Variants in GRID2 observed in about 807,000 individuals in gnomAD.
GRID2 encodes glutamate receptor ionotropic, delta-2.
Under a neutral mutation model 114.8 loss-of-function variants are expected in GRID2, and 33 were observed. The observed-to-expected ratio is 0.29, with a 90% CI of 0.22 to 0.38. GRID2 has a LOEUF of 0.38. Ranked by LOEUF, GRID2 falls within the 10% of genes least tolerant of loss-of-function variation. GRID2 has a pLI of 1.00. For missense variants in GRID2, 1,184 were observed against 1,257.7 expected (o/e 0.94, Z 0.89); for synonymous variants, 505 against 449.9 (o/e 1.12, Z -1.55).
At chr4:92,663,887 T>C (rs1280702843) in intron 2 of GRID2, among the ~76,000 whole-genome samples, 1 of 151,240 alleles carries the variant, frequency 6.6e-6, no homozygotes, top group African/African-American at 2.4e-5. Context: ...AGTGGAATCA[T>C]GCATGATTTG....
At chr4:93,182,570 G>A (rs1180841161) in intron 4 of GRID2, among the ~76,000 whole-genome samples, 3 of 152,142 alleles carry the variant, frequency 2.0e-5, no homozygotes, top group Non-Finnish European at 4.4e-5. Flanking sequence ...TAAAGATAAT[G>A]CTACATTATC....
intron 2 of GRID2, among the ~76,000 whole-genome samples, chr4:93,064,632 T>C (rs1464460844): frequency 6.6e-6 from 1 of 151,830 alleles, no homozygotes; most frequent in Non-Finnish European, 1.5e-5. Flanking sequence ...CCTTGTGAAT[T>C]ACTAACTAAA....
At chr4:92,716,053 A>C (rs1560549643) in intron 2 of GRID2, among the ~76,000 whole-genome samples, 1 of 152,234 alleles carries the variant, frequency 6.6e-6, no homozygotes, top group Admixed American at 6.5e-5. Flanking sequence ...TTTATTCCCT[A>C]TTAATGTGGC....
intron 2 of GRID2, among the ~76,000 whole-genome samples, chr4:92,688,222 A>AT (rs1444373095): frequency 3.4e-5 from 5 of 148,934 alleles, no homozygotes; most frequent in Non-Finnish European, 5.9e-5. Flanking sequence ...GCTAATTTTG[A>AT]TTTTTTTAGT....
At position 92,976,242 on chromosome 4, in the gene GRID2, A is replaced by G. The variant is rs35473204; in HGVS notation, c.245-108753A>G. Among the ~76,000 whole-genome samples, 336 of 152,248 alleles carry G rather than the reference A, an allele frequency of 2.2e-3. 1 individual carries two copies. The highest frequency in any genetic ancestry group is 4.1e-3 in the Non-Finnish European group (278 of 67,964). On this transcript the variant is annotated intron_variant, in intron 2 of 15. Transcript: ENST00000282020. ...CTTGTTATAGTAATAAACAATGGACATAGATAAAATACATATGTGAAAAAA... is the reference window on the plus strand; with the variant it reads ...CTTGTTATAGTAATAAACAATGGACGTAGATAAAATACATATGTGAAAAAA...
At chr4:93,347,511 A>G (rs989792339) in intron 8 of GRID2, among the ~76,000 whole-genome samples, 1 of 152,274 alleles carries the variant, frequency 6.6e-6, no homozygotes, top group East Asian at 1.9e-4. Flanking sequence ...GAGATTTCCT[A>G]TAAGTGGTAG....
chr4:93,151,498 A>AAAC (rs1736737049), intron 4 of GRID2, among the ~76,000 whole-genome samples: 1 of 151,796 alleles, frequency 6.6e-6, no homozygotes, highest in Non-Finnish European at 1.5e-5. Flanking sequence ...CTTTATATTA[A>AAAC]AACTATGTGA....
chr4:93,112,828 T>C (rs939654904), intron 4 of GRID2, among the ~76,000 whole-genome samples: 1 of 152,186 alleles, frequency 6.6e-6, no homozygotes, highest in African/African-American at 2.4e-5. Flanking sequence ...CTTTTTCCAA[T>C]GTCTATTCAC....
chr4:93,381,823 A>G (rs1763881800), intron 8 of GRID2, among the ~76,000 whole-genome samples: 1 of 152,150 alleles, frequency 6.6e-6, no homozygotes, highest in Non-Finnish European at 1.5e-5. Flanking sequence ...AATTGTCCAT[A>G]TACTTACCTT....
intron 2 of GRID2, among the ~76,000 whole-genome samples, chr4:92,670,728 G>A (rs2149275972): frequency 6.6e-6 from 1 of 152,120 alleles, no homozygotes; most frequent in Non-Finnish European, 1.5e-5. Context: ...TATCTTAATT[G>A]TTTGACTTGC....
At chr4:92,575,287 T>C (rs148604292) in intron 1 of GRID2, among the ~76,000 whole-genome samples, 180 of 152,332 alleles carry the variant, frequency 1.2e-3, no homozygotes, top group African/African-American at 4.1e-3. Context: ...AGTTTGTTTT[T>C]ATCTGCATTT....
At chr4:93,314,303 C>CAAAAAAA (rs56977080) in intron 8 of GRID2, among the ~76,000 whole-genome samples, 6 of 54,136 alleles carry the variant, frequency 1.1e-4, no homozygotes, top group Admixed American at 2.6e-4. Flanking sequence ...GAGTCTGTCT[C>CAAAAAAA]AAAAAAAAAA....
chr4:92,918,960 A>C (rs577116413), intron 2 of GRID2, among the ~76,000 whole-genome samples: 23 of 152,136 alleles, frequency 1.5e-4, no homozygotes, highest in Non-Finnish European at 2.5e-4. Context: ...GGTAGAATTC[A>C]GCTGTGAATC....
At chr4:93,510,551 G>A (rs1434507801) in intron 12 of GRID2, among the ~76,000 whole-genome samples, 2 of 152,088 alleles carry the variant, frequency 1.3e-5, no homozygotes, top group South Asian at 2.1e-4. Context: ...TTGTATAAAT[G>A]TCCCAGAGAG....
intron 14 of GRID2, among the ~76,000 whole-genome samples, chr4:93,745,803 G>A (rs1731793094): frequency 6.6e-6 from 1 of 152,072 alleles, no homozygotes; most frequent in African/African-American, 2.4e-5. Context: ...TTTAGCTATG[G>A]CATATTTTAT....
chr4:93,430,150 C>T (rs969627530), intron 10 of GRID2, among the ~76,000 whole-genome samples: 4 of 151,888 alleles, frequency 2.6e-5, no homozygotes, highest in African/African-American at 7.2e-5. Context: ...CATATATTTA[C>T]CGGGAGGCTT....
chr4:93,088,844 G>A (rs1730545249), intron 3 of GRID2, among the ~76,000 whole-genome samples: 1 of 151,984 alleles, frequency 6.6e-6, no homozygotes, highest in Non-Finnish European at 1.5e-5. Flanking sequence ...ACATAACTAG[G>A]AAGTATCAGA....
At chr4:93,254,381 T>A (rs1749332376) in intron 8 of GRID2, among the ~76,000 whole-genome samples, 1 of 152,222 alleles carries the variant, frequency 6.6e-6, no homozygotes, top group Admixed American at 6.5e-5. Context: ...AATGAATGCA[T>A]CTAGCTGAGT....
chr4:93,357,398 T>C lies in GRID2; in HGVS notation c.1246-38209T>C, dbSNP rs149772868. On this transcript the variant is annotated intron_variant, in intron 8 of 15. Coordinates refer to ENST00000282020, the MANE Select transcript of GRID2 (RefSeq NM_001510.4). ...ATTAACTCCATGAATTAAAAAATAT[T>C]CTGTCATATATGTTGAAAATATTTA... is the stretch of plus-strand genomic sequence containing the variant. Among the ~76,000 whole-genome samples, 1,470 of 151,690 alleles carry C rather than the reference T, an allele frequency of 9.7e-3. 19 individuals carry two copies. The highest frequency in any genetic ancestry group is 0.034 in the African/African-American group (1,414 of 41,552).
Sources: allele counts gnomAD v4.1 joint callset (sites outside exome capture counted in the v4.1 genomes callset), GRCh38; gene constraint gnomAD v4.1.1; transcripts MANE v1.5; gene names NCBI Gene and HGNC (gene_info 2026-07-23, HGNC 2026-07-21).